Variants in DNMT3A observed in about 807,000 individuals in gnomAD.
The protein encoded by DNMT3A is DNA methyltransferase 3 alpha, also known as DNA (cytosine-5)-methyltransferase 3A.
A neutral mutation model predicts 117.6 loss-of-function variants in DNMT3A; 267 were observed. The ratio of observed to expected loss-of-function variants is 2.27; its 90% CI spans 2.05 to 2.51. The LOEUF (loss-of-function observed/expected upper bound fraction) is 2.51. Among genes scored for constraint, DNMT3A ranks in the 30% most tolerant of loss-of-function variants. The pLI, the probability that DNMT3A is intolerant of heterozygous loss-of-function variation, is 0.00. For missense variants in DNMT3A, 1,029 were observed against 1,260.2 expected (o/e 0.82, Z 2.78); for synonymous variants, 432 against 474.8 (o/e 0.91, Z 1.17).
chr2:25,261,961 C>G (rs1048533517), intron 6 of DNMT3A, among the ~76,000 whole-genome samples: 3 of 152,006 alleles, frequency 2.0e-5, no homozygotes, highest in African/African-American at 7.3e-5. Context: ...CCAAGGTGGG[C>G]AGATCATGAG....
At chr2:25,243,452 G>GA (rs761067625) in intron 16 of DNMT3A, among the ~76,000 whole-genome samples, 4 of 152,142 alleles carry the variant, frequency 2.6e-5, no homozygotes, top group Non-Finnish European at 4.4e-5. Flanking sequence ...CAAACGCACA[G>GA]AAAAAAATCT....
At chr2:25,308,478 G>A (rs888672326) in intron 2 of DNMT3A, among the ~76,000 whole-genome samples, 2 of 151,974 alleles carry the variant, frequency 1.3e-5, no homozygotes, top group African/African-American at 4.8e-5. Flanking sequence ...TAGAGAAACC[G>A]AAGCCCAAAA....
At chr2:25,312,746 A>G (rs1396079655) in intron 2 of DNMT3A, among the ~76,000 whole-genome samples, 2 of 152,244 alleles carry the variant, frequency 1.3e-5, no homozygotes, top group Non-Finnish European at 2.9e-5. Context: ...ACTCTGAAGA[A>G]TGGTAAACCC....
At chr2:25,271,066 C>T (rs765482043) in intron 6 of DNMT3A, among the ~76,000 whole-genome samples, 23 of 151,846 alleles carry the variant, frequency 1.5e-4, no homozygotes, top group African/African-American at 4.8e-4. Context: ...CCTGATAGGC[C>T]GGGTGCAGTG....
At chr2:25,310,845 C>T (rs1005121752) in intron 2 of DNMT3A, among the ~76,000 whole-genome samples, 2 of 152,144 alleles carry the variant, frequency 1.3e-5, no homozygotes, top group Admixed American at 6.5e-5. Context: ...GGTCCCATCC[C>T]CCGAGTTCTG....
intron 2 of DNMT3A, among the ~76,000 whole-genome samples, chr2:25,300,761 ATATAT>A (rs2033462544): frequency 1.4e-5 from 1 of 72,232 alleles, no homozygotes; most frequent in Non-Finnish European, 2.5e-5. Context: ...ATATATATAT[ATATAT>A]ATAAATAATA....
In DNMT3A at chr2:25,286,364, G is replaced by A. The variant is rs916664810; in HGVS notation, c.178-3653C>T. ...ATGCCCCCAAAGCCAGGTGGGAGCC[G>A]GGCATGCTGGGCAGATGATGGGCGA... On this transcript the variant is annotated intron_variant, in intron 3 of 22. Coordinates refer to ENST00000321117, the MANE Select transcript of DNMT3A (RefSeq NM_022552.5). This position sits in a 1 kb window ranked among gnomAD's most constrained non-coding sequence, Gnocchi z 4.3. 3.3e-5 allele frequency among the ~76,000 whole-genome samples: 5 copies of A among 152,184 alleles called. No individual in the cohort carries two copies. In the East Asian group the frequency reaches 5.8e-4, roughly 18 times the overall value.
At chr2:25,318,901 G>A (rs563518243) in intron 1 of DNMT3A, among the ~76,000 whole-genome samples, 64 of 150,072 alleles carry the variant, frequency 4.3e-4, no homozygotes, top group Admixed American at 3.3e-3. Context: ...GGGTTTCACC[G>A]TGTTAGCCAG....
At chr2:25,310,722 G>A (rs1012311421) in intron 2 of DNMT3A, among the ~76,000 whole-genome samples, 1 of 152,190 alleles carries the variant, frequency 6.6e-6, no homozygotes. Context: ...GGAAGAAAAG[G>A]GCCGTGACCC....
At position 25,239,223 on chromosome 2, in the gene DNMT3A, A is replaced by C; in HGVS notation, c.2323-8T>G. ...AATCATCACAGGGTTGGACTACAAAACAGGAGACGGTTTGAAGATGAGCCA... is the reference window on the plus strand; with the variant it reads ...AATCATCACAGGGTTGGACTACAAACCAGGAGACGGTTTGAAGATGAGCCA... On this transcript the variant is annotated splice_polypyrimidine_tract_variant and splice_region_variant and intron_variant, in intron 19 of 22. Transcript: ENST00000321117. The C allele has an allele frequency of 6.2e-7, 1 of 1,613,400 alleles. No homozygotes were observed. The highest frequency in any genetic ancestry group is 8.5e-7 in the Non-Finnish European group (1 of 1,179,562).
chr2:25,299,657 G>A (rs749838064), intron 3 of DNMT3A, among the ~76,000 whole-genome samples: 1 of 152,208 alleles, frequency 6.6e-6, no homozygotes, highest in Non-Finnish European at 1.5e-5. Flanking sequence ...GTGGCCGGGC[G>A]CGGTGGCTCA....
In DNMT3A at chr2:25,286,706, A is replaced by C. The variant is rs2032333828; in HGVS notation, c.178-3995T>G. Among the ~76,000 whole-genome samples the C allele has an allele frequency of 6.6e-6, 1 of 152,236 alleles. No homozygotes were observed. Among genetic ancestry groups the C allele is most frequent in the African/African-American group, 2.4e-5 (1 of 41,460 alleles). On this transcript the variant is annotated intron_variant, in intron 3 of 22. Transcript: ENST00000321117. The surrounding 1 kb of genome is among the most constrained non-coding windows in gnomAD (Gnocchi z 4.3). ...GAGGAAGGAAAAAGGTCCCAGTCAAATGGCCTGAAGCAACTGTCCAAGTCT... is the reference window on the plus strand; with the variant it reads ...GAGGAAGGAAAAAGGTCCCAGTCAACTGGCCTGAAGCAACTGTCCAAGTCT...
chr2:25,333,998 A>G (rs1273546412), intron 1 of DNMT3A, among the ~76,000 whole-genome samples: 3 of 152,158 alleles, frequency 2.0e-5, no homozygotes, highest in African/African-American at 7.2e-5. Context: ...TGGATTAAAC[A>G]GCTGGTTTGT....
At chr2:25,303,035 T>C (rs1171973401) in intron 2 of DNMT3A, among the ~76,000 whole-genome samples, 2 of 152,114 alleles carry the variant, frequency 1.3e-5, no homozygotes, top group Non-Finnish European at 2.9e-5. Flanking sequence ...TCACAAAGGG[T>C]CTGCCCCTTT....
rs1269489850 is a variant in DNMT3A at position 25,236,498 on chromosome 2, G to A, written c.2478+438C>T. ...TACTGAGGGGCTCAAAGATGCCCTC[G>A]GAGCTGCCAGTGGTTCTGAATGCTG... is the stretch of plus-strand genomic sequence containing the variant. On this transcript the variant is annotated intron_variant, in intron 21 of 22. Coordinates refer to ENST00000321117, the MANE Select transcript of DNMT3A (RefSeq NM_022552.5). This position sits in a 1 kb window ranked among gnomAD's most constrained non-coding sequence, Gnocchi z 4.5. Among the ~76,000 whole-genome samples, 3 of 152,174 alleles carry A rather than the reference G, an allele frequency of 2.0e-5. No homozygotes were observed. The highest frequency in any genetic ancestry group is 4.4e-5 in the Non-Finnish European group (3 of 68,020).
At chr2:25,287,738 C>CG (rs1478940054) in intron 3 of DNMT3A, among the ~76,000 whole-genome samples, 1 of 151,752 alleles carries the variant, frequency 6.6e-6, no homozygotes. Flanking sequence ...CACCCCCGCC[C>CG]CCAACAGAGA....
chr2:25,261,268 G>A (rs1232281494), intron 6 of DNMT3A, among the ~76,000 whole-genome samples: 9 of 151,610 alleles, frequency 5.9e-5, no homozygotes, highest in Admixed American at 3.9e-4. Context: ...GTGAAACCCC[G>A]TCTCCACTAA....
Position 25,252,447 on chromosome 2 carries a change from C to A in DNMT3A, c.640-4195G>T. On this transcript the variant is annotated intron_variant, in intron 6 of 22. Transcript: ENST00000321117. This position sits in a 1 kb window ranked among gnomAD's most constrained non-coding sequence, Gnocchi z 5.5. ...CGGCCCGGGGAGGGGGCCGGCGCTCCGACGCTGGCGCTGGGCCAGCCCCTC... is the reference window on the plus strand; with the variant it reads ...CGGCCCGGGGAGGGGGCCGGCGCTCAGACGCTGGCGCTGGGCCAGCCCCTC... The A allele has an allele frequency of 2.5e-6, 1 of 406,224 alleles. No homozygotes were observed. Among genetic ancestry groups the A allele is most frequent in the Non-Finnish European group, 4.4e-6 (1 of 228,946 alleles). The allele number at this position is 406,224 out of a possible 1,614,324, so 25.2% of individuals were successfully genotyped here.
intron 6 of DNMT3A, among the ~76,000 whole-genome samples, chr2:25,259,044 G>A (rs891580451): frequency 6.6e-6 from 1 of 152,188 alleles, no homozygotes; most frequent in Non-Finnish European, 1.5e-5. Flanking sequence ...CAGAGCCCCT[G>A]GCTCCCTCGT....
Sources: gnomAD v4.1 joint callset for allele counts (sites outside exome capture counted in the v4.1 genomes callset) on GRCh38, gnomAD v4.1.1 for gene constraint, Gnocchi (gnomAD v3.1) non-coding constraint, MANE v1.5 for transcripts, NCBI Gene and HGNC (gene_info 2026-07-23, HGNC 2026-07-21) for gene names.